Variants in GLIS1 observed in about 807,000 individuals in gnomAD.
GLIS1 encodes zinc finger protein GLIS1.
In GLIS1, 24 loss-of-function variants were observed where a neutral mutation model predicts 63.8. The observed-to-expected ratio is 0.38, with a 90% confidence interval of 0.27 to 0.53. The LOEUF is 0.53. Among genes scored for constraint, GLIS1 ranks in the 20% least tolerant of loss-of-function variants. GLIS1 has a pLI of 0.85. For missense variants in GLIS1, 1,036 were observed against 1,074.1 expected, an observed-to-expected ratio of 0.96 and a Z score of 0.50; for synonymous variants, 450 against 482.5, an observed-to-expected ratio of 0.93 and a Z score of 0.88.
At chr1:53,531,349 G>T (rs1011777093) in intron 4 of GLIS1, among the ~76,000 whole-genome samples, 5 of 152,242 alleles carry the variant, frequency 3.3e-5, no homozygotes, top group Non-Finnish European at 5.9e-5. Flanking sequence ...GGTAGCAGCC[G>T]TGTTACCCGA....
intron 4 of GLIS1, among the ~76,000 whole-genome samples, chr1:53,561,398 A>G (rs1644890945): frequency 6.6e-6 from 1 of 152,252 alleles, no homozygotes; most frequent in Non-Finnish European, 1.5e-5. Flanking sequence ...GTGACTGCTA[A>G]TTGGATCCTC....
intron 2 of GLIS1, among the ~76,000 whole-genome samples, chr1:53,645,506 C>T (rs998765090): frequency 6.6e-6 from 1 of 152,106 alleles, no homozygotes; most frequent in African/African-American, 2.4e-5. Flanking sequence ...TGGGGAATGA[C>T]TCCTCCCGCT....
intron 2 of GLIS1, among the ~76,000 whole-genome samples, chr1:53,701,168 A>G (rs1646519049): frequency 6.6e-6 from 1 of 152,210 alleles, no homozygotes; most frequent in South Asian, 2.1e-4. Flanking sequence ...AATGGTAACT[A>G]TGTCAAATGG....
chr1:53,653,519 G>A (rs1230644759), intron 2 of GLIS1, among the ~76,000 whole-genome samples: 4 of 152,106 alleles, frequency 2.6e-5, no homozygotes, highest in African/African-American at 7.2e-5. Context: ...AGTCTCTAAC[G>A]TTCTCTAGCT....
Position 53,599,956 on chromosome 1 carries a change from G to T in GLIS1, c.437+145C>A, listed in dbSNP as rs180674706. The T allele has an allele frequency of 1.9e-3, 796 of 418,292 alleles. 6 individuals are homozygous for T. The highest frequency in any genetic ancestry group is 2.0e-3 in the South Asian group (15 of 7,408). 25.9% of individuals were successfully genotyped at this position (418,292 alleles called of 1,614,324 possible). A position where few individuals can be genotyped will look rare whatever the true frequency, so the allele number is the denominator to read the frequency against. Reference sequence around the variant, plus strand: ...GCAAAGCAGAAGGTGCAGGATCTAGGCCAGGTAGCTGCTTCTGAGCTACGG... The same window carrying T: ...GCAAAGCAGAAGGTGCAGGATCTAGTCCAGGTAGCTGCTTCTGAGCTACGG... On this transcript the variant is annotated intron_variant, in intron 3 of 10. Coordinates refer to ENST00000628545, the MANE Select transcript of GLIS1 (RefSeq NM_001367484.1).
At chr1:53,723,379 C>T (rs1646775803) in intron 2 of GLIS1, among the ~76,000 whole-genome samples, 1 of 151,770 alleles carries the variant, frequency 6.6e-6, no homozygotes, top group Non-Finnish European at 1.5e-5. Flanking sequence ...GCTGGGATCA[C>T]AGGTGCGTGC....
rs1644331407 is a variant in GLIS1, at chr1:53,514,646, A to G, written c.1862T>C (p.Met621Thr). The change falls in exon 8 of 11, where the codon ATG becomes ACG. Residue 621 changes from methionine (M) to threonine (T), a missense_variant. Physicochemically the swap from Met to Thr is moderately conservative, Grantham distance 81. Transcript: ENST00000628545. ...ATACCCATCCCGGGTGCTCTCAGCC[A>G]TGGGCAGAGGGGACAGATGGTGGTG... Reference protein sequence around the residue: ...SSHHHLSPLPMAESTRDGLGP... With the variant: ...SSHHHLSPLPTAESTRDGLGP... 6.2e-7 allele frequency: 1 copy of G among 1,613,368 alleles called. No individual in the cohort carries two copies. Among genetic ancestry groups the G allele is most frequent in the African/African-American group, 1.3e-5 (1 of 74,850 alleles).
At chr1:53,624,526 T>G (rs1327194565) in intron 2 of GLIS1, among the ~76,000 whole-genome samples, 1 of 151,908 alleles carries the variant, frequency 6.6e-6, no homozygotes, top group African/African-American at 2.4e-5. Flanking sequence ...TGGACTAAAT[T>G]AAAATTTTAA....
chr1:53,556,231 T>C (rs373780700), intron 4 of GLIS1, among the ~76,000 whole-genome samples: 1 of 136,908 alleles, frequency 7.3e-6, no homozygotes, highest in African/African-American at 2.8e-5. Flanking sequence ...TGTATGCAGG[T>C]GTACTGTAGG....
intron 2 of GLIS1, among the ~76,000 whole-genome samples, chr1:53,695,253 C>T (rs1405030870): frequency 6.6e-6 from 1 of 152,222 alleles, no homozygotes; most frequent in Non-Finnish European, 1.5e-5. Context: ...ACCTCGAGAG[C>T]TTGCAGCTCC....
At chr1:53,584,543 C>CT (rs2100504195) in intron 4 of GLIS1, among the ~76,000 whole-genome samples, 1 of 152,312 alleles carries the variant, frequency 6.6e-6, no homozygotes, top group Non-Finnish European at 1.5e-5. Flanking sequence ...ACCATTCTTC[C>CT]TTTGACACTG....
intron 4 of GLIS1, among the ~76,000 whole-genome samples, chr1:53,555,474 G>A (rs1644809682): frequency 6.6e-6 from 1 of 152,168 alleles, no homozygotes; most frequent in Admixed American, 6.5e-5. Context: ...AGGTTACGGT[G>A]AGCCAAGATC....
chr1:53,682,984 C>T (rs991413050), intron 2 of GLIS1, among the ~76,000 whole-genome samples: 1 of 152,160 alleles, frequency 6.6e-6, no homozygotes, highest in Admixed American at 6.5e-5. Flanking sequence ...GTAGAAGCAG[C>T]ATGAACTGAG....
intron 7 of GLIS1, among the ~76,000 whole-genome samples, chr1:53,519,885 A>G (rs1181358282): frequency 1.3e-5 from 2 of 152,156 alleles, no homozygotes; most frequent in Non-Finnish European, 2.9e-5. Flanking sequence ...CTTCTTGAAG[A>G]CGGTTCCTCC....
intron 4 of GLIS1, among the ~76,000 whole-genome samples, chr1:53,532,032 G>C (rs1278662415): frequency 6.6e-6 from 1 of 152,206 alleles, no homozygotes; most frequent in Non-Finnish European, 1.5e-5. Context: ...TACGCTGGGG[G>C]TGGGCTGGGC....
At chr1:53,711,075 C>A (rs1048418611) in intron 2 of GLIS1, among the ~76,000 whole-genome samples, 8 of 152,170 alleles carry the variant, frequency 5.3e-5, no homozygotes, top group Non-Finnish European at 1.2e-4. Context: ...AAGGAAAACA[C>A]TGGTGGGTCC....
chr1:53,674,996 G>A (rs1378629733), intron 2 of GLIS1, among the ~76,000 whole-genome samples: 1 of 152,146 alleles, frequency 6.6e-6, no homozygotes, highest in African/African-American at 2.4e-5. Flanking sequence ...GCCCAGGAGC[G>A]GCAGGGACAG....
Position 53,594,529 on chromosome 1 carries a change from G to GCAGGGC in GLIS1, c.893_898dup (p.Gly298_Pro299dup). 1 of 1,610,458 alleles carries GCAGGGC rather than the reference G, an allele frequency of 6.2e-7. No homozygotes were observed. Among genetic ancestry groups the GCAGGGC allele is most frequent in the Non-Finnish European group, 8.5e-7 (1 of 1,177,926 alleles). The stretch of plus-strand genomic sequence containing the variant: ...GCTGCCCTCATGGCTGTCCGTCGAT[G>GCAGGGC]CAGGGCCAGGCCGGGCCCGCTTGGA... On this transcript the variant is annotated inframe_insertion, in exon 4 of 11. Coordinates refer to ENST00000628545, the MANE Select transcript of GLIS1 (RefSeq NM_001367484.1).
At chr1:53,519,946 T>C (rs1415435600) in intron 7 of GLIS1, among the ~76,000 whole-genome samples, 3 of 152,210 alleles carry the variant, frequency 2.0e-5, no homozygotes, top group African/African-American at 4.8e-5. Context: ...CCAGAGCCTC[T>C]CTTGCTGATG....
Sources: allele counts gnomAD v4.1 joint callset (sites outside exome capture counted in the v4.1 genomes callset), GRCh38; gene constraint gnomAD v4.1.1; transcripts MANE v1.5; gene names NCBI Gene and HGNC (gene_info 2026-07-23, HGNC 2026-07-21).